The following SLC25A45 variants were observed in gnomAD, a reference collection of about 807,000 sequenced individuals.
SLC25A45 encodes solute carrier family 25 member 45, also known as methylated amino-acid transporter SLC25A45.
A neutral mutation model predicts 23.0 loss-of-function variants in SLC25A45; 22 were observed. The observed-to-expected ratio is 0.95, with a 90% confidence interval of 0.68 to 1.36. SLC25A45 has a LOEUF of 1.36. Among genes scored for constraint, SLC25A45 ranks in the 40% most tolerant of loss-of-function variants. The pLI, the probability that SLC25A45 is intolerant of heterozygous loss-of-function variation, is 0.00. For missense variants in SLC25A45, 355 were observed against 383.5 expected (o/e 0.93, Z 0.62); for synonymous variants, 136 against 155.0 (o/e 0.88, Z 0.91).
chr11:65,380,404 C>T (rs1308255370), intron 2 of SLC25A45: 1 of 906,638 alleles, frequency 1.1e-6, no homozygotes, highest in South Asian at 1.6e-5. Flanking sequence ...AGACCCCAGG[C>T]CCCACCTGAG....
Position 65,381,948 on chromosome 11 carries a change from G to A in SLC25A45, c.4C>T (p.Pro2Ser), listed in dbSNP as rs767785715. 3.7e-6 allele frequency: 6 copies of A among 1,614,010 alleles called. No homozygotes were observed. The South Asian group carries it at 4.4e-5, about 12-fold the overall frequency. Residue 2 changes from proline (P) to serine (S), a missense_variant, in exon 2 of 7, where the codon CCG becomes TCG. Coordinates refer to ENST00000398802, the MANE Select transcript of SLC25A45 (RefSeq NM_182556.4). ...CAGCCAGCCACAAATTCCTCCACCG[G>A]CATTGTCTGGGCTTGCGGGAACTGG... M[P>S]VEEFVAGWIS...
In SLC25A45 at chr11:65,379,442, C is replaced by A. The variant is rs778107518; in HGVS notation, c.273G>T (p.Glu91Asp). 1 of 1,613,982 alleles carries A rather than the reference C, an allele frequency of 6.2e-7. No individual in the cohort carries two copies. The highest frequency in any genetic ancestry group is 1.7e-5 in the Admixed American group (1 of 60,012). Residue 91 changes from glutamate (E) to aspartate (D), a missense_variant, in exon 5 of 7, where the codon GAG (glutamate) becomes GAT (aspartate). Coordinates refer to ENST00000398802, the MANE Select transcript of SLC25A45 (RefSeq NM_182556.4). ...LLVLTATSHQ[E>D]RRAQPPSYMH... Reference sequence around the variant, plus strand: ...TGTAGCTGGGCGGCTGGGCCCGCCGCTCCTGGTGGGAGGTGGCCGTGAGCA... The same window carrying A: ...TGTAGCTGGGCGGCTGGGCCCGCCGATCCTGGTGGGAGGTGGCCGTGAGCA...
rs1435496735 is a variant in SLC25A45, at chr11:65,382,285, C to A, written c.-19+201G>T. ...CCATGGTCGGGCCCCTCCAGGGCTGCCTTAGTCAGCAAGAGGCAAGCCCCT... is the reference window on the plus strand; with the variant it reads ...CCATGGTCGGGCCCCTCCAGGGCTGACTTAGTCAGCAAGAGGCAAGCCCCT... On this transcript the variant is annotated intron_variant, in intron 1 of 6. Coordinates refer to ENST00000398802, the MANE Select transcript of SLC25A45 (RefSeq NM_182556.4). This position sits in a 1 kb window ranked among gnomAD's most constrained non-coding sequence, Gnocchi z 4.4. 2 of 385,122 alleles carry A rather than the reference C, an allele frequency of 5.2e-6. No individual in the cohort carries two copies. The highest frequency in any genetic ancestry group is 9.8e-6 in the Non-Finnish European group (2 of 203,444). The allele number at this position is 385,122 out of a possible 1,614,324, so 23.9% of individuals were successfully genotyped here.
chr11:65,376,249 G>T lies in SLC25A45; in HGVS notation c.*158C>A. On this transcript the variant is annotated 3_prime_UTR_variant, in exon 7 of 7. Transcript: ENST00000398802. ...GGCCCCCTGGCTTCCGGCTCCCACA[G>T]GTGTCTGCCCAGCCCAGATCTGCGC... 1 of 906,506 alleles carries T rather than the reference G, an allele frequency of 1.1e-6. No individual in the cohort carries two copies. Among genetic ancestry groups the T allele is most frequent in the Non-Finnish European group, 1.6e-6 (1 of 608,208 alleles). 56.2% of individuals were successfully genotyped at this position (906,506 alleles called of 1,614,324 possible). A position where few individuals can be genotyped will look rare whatever the true frequency, so the allele number is the denominator to read the frequency against.
intron 2 of SLC25A45, 42 bp from the exon 3 acceptor site, chr11:65,380,217 C>T (rs1855476571): frequency 5.6e-6 from 9 of 1,613,812 alleles, no homozygotes; most frequent in African/African-American, 1.3e-5. Flanking sequence ...GCCCTCGTGC[C>T]AGGCCCAGGA....
Position 65,379,382 on chromosome 11 carries a change from G to A in SLC25A45, c.333C>T (p.Phe111=), listed in dbSNP as rs753584225. 7.5e-6 allele frequency: 12 copies of A among 1,608,948 alleles called. No homozygotes were observed. The highest frequency in any genetic ancestry group is 9.3e-6 in the Non-Finnish European group (11 of 1,179,854). The change falls in exon 5 of 7, where the codon TTC becomes TTT. Residue 111 remains phenylalanine, a synonymous_variant. Transcript: ENST00000398802. ...CCACTCACTGCCCCCTCACCTGCAG[G>A]AACCCCCCGGTGCAGCCCGCTAGGA... ...HIFLAGCTGG[F]LQAYCLAPFD...
At position 65,382,339 on chromosome 11, in the gene SLC25A45, C is replaced by T. The variant is rs1352394326; in HGVS notation, c.-19+147G>A. 1 of 263,676 alleles carries T rather than the reference C, an allele frequency of 3.8e-6. No individual in the cohort carries two copies. Among genetic ancestry groups the T allele is most frequent in the African/African-American group, 2.2e-5 (1 of 46,158 alleles). The allele number at this position is 263,676 out of a possible 1,614,324, so 16.3% of individuals were successfully genotyped here. A position where few individuals can be genotyped will look rare whatever the true frequency, so the allele number is the denominator to read the frequency against. ...TGCCCAGCCAGCCCAGCTCCACTCCCATTCATCTCCACCAAGGGGCATGGC... is the reference window on the plus strand; with the variant it reads ...TGCCCAGCCAGCCCAGCTCCACTCCTATTCATCTCCACCAAGGGGCATGGC... On this transcript the variant is annotated intron_variant, in intron 1 of 6. Coordinates refer to ENST00000398802, the MANE Select transcript of SLC25A45 (RefSeq NM_182556.4). The surrounding 1 kb of genome is among the most constrained non-coding windows in gnomAD (Gnocchi z 4.4).
Position 65,376,252 on chromosome 11 carries a change from G to A in SLC25A45, c.*155C>T. The A allele has an allele frequency of 2.1e-6, 2 of 940,732 alleles. No homozygotes were observed. Among genetic ancestry groups the A allele is most frequent in the Non-Finnish European group, 3.1e-6 (2 of 637,472 alleles). 58.3% of individuals were successfully genotyped at this position (940,732 alleles called of 1,614,324 possible). ...CCCCTGGCTTCCGGCTCCCACAGGT[G>A]TCTGCCCAGCCCAGATCTGCGCGGG... On this transcript the variant is annotated 3_prime_UTR_variant, in exon 7 of 7. Coordinates refer to ENST00000398802, the MANE Select transcript of SLC25A45 (RefSeq NM_182556.4).
At position 65,376,632 on chromosome 11, in the gene SLC25A45, A is replaced by T; in HGVS notation, c.642T>A (p.Ala214=). ...VLVAGGFAGI[A]SWVAATPLDM... ...CTAAGGGCGTGGCTGCCACCCAGGA[A>T]GCAATGCCTGCAAAGCCCCCTGCCA... is the stretch of plus-strand genomic sequence containing the variant. The change falls in exon 7 of 7, where the codon GCT becomes GCA. Residue 214 remains alanine, a synonymous_variant. Transcript: ENST00000398802. The T allele has an allele frequency of 6.2e-7, 1 of 1,613,998 alleles. No homozygotes were observed. The highest frequency in any genetic ancestry group is 8.5e-7 in the Non-Finnish European group (1 of 1,179,894).
At chr11:65,377,458 C>T in intron 5 of SLC25A45, 1 of 1,014,480 alleles carries the variant, frequency 9.9e-7, no homozygotes, top group Non-Finnish European at 1.2e-6. Flanking sequence ...AAGGATTCAG[C>T]CTGTGACTGT....
At chr11:65,376,731 A>G in intron 6 of SLC25A45, 56 bp from the exon 7 acceptor site, 2 of 1,613,802 alleles carry the variant, frequency 1.2e-6, no homozygotes, top group Non-Finnish European at 1.7e-6. Flanking sequence ...CATCCTCCCC[A>G]GACCCTAGTT....
At chr11:65,379,749 T>C in intron 4 of SLC25A45, 118 bp downstream of exon 4, 1 of 1,402,304 alleles carries the variant, frequency 7.1e-7, no homozygotes, top group Non-Finnish European at 9.9e-7. Context: ...CCCCCAAGGA[T>C]CCCAGACTTG....
At chr11:65,376,764 C>T in intron 6 of SLC25A45, 54 bp downstream of exon 6, 3 of 1,614,032 alleles carry the variant, frequency 1.9e-6, no homozygotes, top group East Asian at 2.2e-5. Flanking sequence ...CCCCGCTGGA[C>T]CCTGCCTGCT....
rs1188130731 is a variant in SLC25A45, at chr11:65,380,185, C to T, written c.38-10G>A. 2 of 1,614,036 alleles carry T rather than the reference C, an allele frequency of 1.2e-6. No individual in the cohort carries two copies. Among genetic ancestry groups the T allele is most frequent in the African/African-American group, 1.3e-5 (1 of 74,926 alleles). ...ACCAAGCCCAGAGCGCCTGTGGTGA[C>T]AAGAGGGTGCTATGAGTGAGGGCCC... On this transcript the variant is annotated splice_polypyrimidine_tract_variant and intron_variant, in intron 2 of 6. Coordinates refer to ENST00000398802, the MANE Select transcript of SLC25A45 (RefSeq NM_182556.4).
chr11:65,380,890 G>T, intron 2 of SLC25A45: 1 of 274,296 alleles, frequency 3.6e-6, no homozygotes, highest in Non-Finnish European at 7.4e-6. Flanking sequence ...GGCCCAGAGG[G>T]GACTCAGGAC....
rs1386066836 is a variant in SLC25A45, at chr11:65,376,127, C to G, written c.*280G>C. 2.0e-5 allele frequency: 11 copies of G among 537,100 alleles called. No individual in the cohort carries two copies. The East Asian group carries it at 3.4e-4, about 17-fold the overall frequency. 33.3% of individuals were successfully genotyped at this position (537,100 alleles called of 1,614,324 possible). A position where few individuals can be genotyped will look rare whatever the true frequency, so the allele number is the denominator to read the frequency against. On this transcript the variant is annotated 3_prime_UTR_variant, in exon 7 of 7. Transcript: ENST00000398802. ...GCACAGGACAGGAGCTGGGATGTCA[C>G]CAGCACCACTTGCCAGCTCACTTGT...
intron 4 of SLC25A45, 42 bp from the exon 5 acceptor site, chr11:65,379,603 C>G: frequency 6.4e-7 from 1 of 1,560,280 alleles, no homozygotes; most frequent in Non-Finnish European, 8.7e-7. Flanking sequence ...CACCGTGGGG[C>G]CTCCCCTTTG....
chr11:65,380,581 C>T (rs1274039856), intron 2 of SLC25A45: 12 of 1,298,964 alleles, frequency 9.2e-6, no homozygotes, highest in East Asian at 5.4e-5. Context: ...ATGTCGTCGC[C>T]GGGATCCAGA....
rs2137777057 is a variant in SLC25A45 at position 65,377,368 on chromosome 11, T to C, written c.340-292A>G. On this transcript the variant is annotated intron_variant, in intron 5 of 6. Coordinates refer to ENST00000398802, the MANE Select transcript of SLC25A45 (RefSeq NM_182556.4). Reference sequence around the variant, plus strand: ...GCAGGCACTCAGAACAAGCCTGGATTCTTTTTGCAGGAGCAGGTTGGTTTC... The same window carrying C: ...GCAGGCACTCAGAACAAGCCTGGATCCTTTTTGCAGGAGCAGGTTGGTTTC... The C allele has an allele frequency of 1.2e-5, 15 of 1,264,542 alleles. No homozygotes were observed. In the South Asian group the frequency reaches 3.0e-4, roughly 25 times the overall value. 78.3% of individuals were successfully genotyped at this position (1,264,542 alleles called of 1,614,324 possible). A position where few individuals can be genotyped will look rare whatever the true frequency, so the allele number is the denominator to read the frequency against.
Sources: gnomAD v4.1 joint callset for allele counts on GRCh38, gnomAD v4.1.1 for gene constraint, Gnocchi (gnomAD v3.1) non-coding constraint, MANE v1.5 for transcripts, NCBI Gene and HGNC (gene_info 2026-07-23, HGNC 2026-07-21) for gene names.